MAMDC2: variants seen among roughly 807,000 people sequenced by gnomAD.
MAMDC2 encodes MAM domain-containing protein 2.
MAMDC2 carries 57 observed loss-of-function variants against 89.8 expected under a neutral mutation model. The ratio of observed to expected loss-of-function variants is 0.63; its 90% CI spans 0.51 to 0.79. MAMDC2 has a LOEUF of 0.79. Among genes scored for constraint, MAMDC2 ranks in the 30% least tolerant of loss-of-function variants. The pLI is 0.00. For missense variants in MAMDC2, 800 were observed against 820.6 expected (o/e 0.97, Z 0.31); for synonymous variants, 313 against 293.4 (o/e 1.07, Z -0.68).
intron 2 of MAMDC2, among the ~76,000 whole-genome samples, chr9:70,067,403 A>T (rs1323753556): frequency 3.9e-5 from 6 of 152,042 alleles, no homozygotes; most frequent in Non-Finnish European, 7.4e-5. Context: ...TATTGTCAGG[A>T]TACTCTTTTC....
At chr9:70,135,490 C>T (rs1435526347) in intron 7 of MAMDC2, among the ~76,000 whole-genome samples, 1 of 152,070 alleles carries the variant, frequency 6.6e-6, no homozygotes, top group East Asian at 1.9e-4. Flanking sequence ...TTTATCAGAC[C>T]TCCTCAAGAC....
At chr9:70,189,897 TTCATTA>T (rs2032842299) in intron 11 of MAMDC2, among the ~76,000 whole-genome samples, 1 of 152,164 alleles carries the variant, frequency 6.6e-6, no homozygotes, top group Admixed American at 6.5e-5. Context: ...AATATTTTAT[TTCATTA>T]TATTTTTCAA....
intron 11 of MAMDC2, among the ~76,000 whole-genome samples, chr9:70,183,125 C>T (rs530653840): frequency 3.9e-5 from 6 of 152,268 alleles, no homozygotes; most frequent in African/African-American, 7.2e-5. Flanking sequence ...CATTCAGGAG[C>T]GGGTTGTTCA....
chr9:70,096,850 C>T (rs1731991192), intron 2 of MAMDC2, among the ~76,000 whole-genome samples: 1 of 152,052 alleles, frequency 6.6e-6, no homozygotes, highest in Non-Finnish European at 1.5e-5. Context: ...TCAAGGAATC[C>T]AGAGGAAAAG....
chr9:70,127,054 G>A (rs1006840584), intron 6 of MAMDC2, among the ~76,000 whole-genome samples: 8 of 152,158 alleles, frequency 5.3e-5, no homozygotes, highest in Non-Finnish European at 8.8e-5. Context: ...TCACAAAGGG[G>A]AGGACTACTA....
intron 5 of MAMDC2, 61 bp from the exon 6 acceptor site, chr9:70,126,098 A>G (rs2118340666): frequency 6.7e-7 from 1 of 1,500,140 alleles, no homozygotes; most frequent in African/African-American, 1.4e-5. Flanking sequence ...ATTTCGCCTG[A>G]ACCTCTTCCC....
At chr9:70,107,949 G>A (rs1927103) in intron 2 of MAMDC2, among the ~76,000 whole-genome samples, 76,216 of 152,004 alleles carry the variant, frequency 0.5, 21,689 homozygotes, top group Non-Finnish European at 0.63. Flanking sequence ...TGGCAATTAT[G>A]GCAAAGTGGA....
chr9:70,209,698 G>T (rs2033310048), intron 11 of MAMDC2, among the ~76,000 whole-genome samples: 2 of 151,998 alleles, frequency 1.3e-5, no homozygotes, highest in Non-Finnish European at 2.9e-5. Context: ...GTTTGCTCTT[G>T]CTTCTCTAGT....
intron 5 of MAMDC2, among the ~76,000 whole-genome samples, chr9:70,118,231 T>G (rs1199059584): frequency 2.0e-5 from 3 of 151,858 alleles, no homozygotes; most frequent in Non-Finnish European, 4.4e-5. Flanking sequence ...TCCTGCTATT[T>G]CACTCCAAGT....
chr9:70,127,356 AC>A (rs1476398093), intron 6 of MAMDC2, among the ~76,000 whole-genome samples: 2 of 152,228 alleles, frequency 1.3e-5, no homozygotes, highest in East Asian at 1.9e-4. Context: ...CTGTCTGAGG[AC>A]CCCTTAGGAC....
intron 11 of MAMDC2, among the ~76,000 whole-genome samples, chr9:70,212,699 C>T (rs772204515): frequency 6.6e-5 from 10 of 152,194 alleles, no homozygotes; most frequent in Non-Finnish European, 1.0e-4. Flanking sequence ...CCGTCTTCTG[C>T]GTCACTCATG....
chr9:70,051,520 C>T (rs573384072), intron 2 of MAMDC2, among the ~76,000 whole-genome samples: 3 of 152,240 alleles, frequency 2.0e-5, no homozygotes, highest in African/African-American at 7.2e-5. Flanking sequence ...GTGTAATATT[C>T]ATTTAAATAT....
At chr9:70,089,191 C>G (rs1277766546) in intron 2 of MAMDC2, 1 of 152,090 alleles carries the variant, frequency 6.6e-6, no homozygotes. Flanking sequence ...TCATGGTTAA[C>G]AGAGAGAGTA....
At chr9:70,210,712 T>C (rs901304223) in intron 11 of MAMDC2, among the ~76,000 whole-genome samples, 1 of 152,202 alleles carries the variant, frequency 6.6e-6, no homozygotes, top group Admixed American at 6.6e-5. Context: ...GTTGATGCAG[T>C]TTCTTCCTAG....
intron 2 of MAMDC2, among the ~76,000 whole-genome samples, chr9:70,052,326 C>G (rs1283616175): frequency 6.6e-6 from 1 of 152,238 alleles, no homozygotes; most frequent in Non-Finnish European, 1.5e-5. Context: ...CCTCTTCCTT[C>G]CCATTAATCT....
intron 2 of MAMDC2, chr9:70,062,629 G>A (rs1345642068): frequency 2.0e-5 from 3 of 152,198 alleles, no homozygotes; most frequent in African/African-American, 7.2e-5. Flanking sequence ...CTGCAAGTTA[G>A]AGACAAGAAA....
intron 2 of MAMDC2, among the ~76,000 whole-genome samples, chr9:70,095,775 T>C (rs1258516169): frequency 1.3e-5 from 2 of 152,148 alleles, no homozygotes; most frequent in Non-Finnish European, 2.9e-5. Flanking sequence ...AGAAAAAAAC[T>C]AAATAATGGT....
chr9:70,122,303 A>T (rs1015541850), intron 5 of MAMDC2, among the ~76,000 whole-genome samples: 1 of 152,182 alleles, frequency 6.6e-6, no homozygotes, highest in Non-Finnish European at 1.5e-5. Flanking sequence ...CAGAAATGTG[A>T]CTGTGGTTCA....
chr9:70,109,703 C>A lies in MAMDC2; in HGVS notation c.421-17C>A. The A allele has an allele frequency of 6.3e-7, 1 of 1,592,236 alleles. No homozygotes were observed. The highest frequency in any genetic ancestry group is 8.6e-7 in the Non-Finnish European group (1 of 1,161,042). On this transcript the variant is annotated splice_polypyrimidine_tract_variant and intron_variant, in intron 3 of 13. Transcript: ENST00000377182. ...GTTTTGAAGTCTAACTCCCCTTCTT[C>A]CCCATATGTTGTGCAGATTTTAATA...
Sources: allele counts gnomAD v4.1 joint callset (sites outside exome capture counted in the v4.1 genomes callset), GRCh38; gene constraint gnomAD v4.1.1; transcripts MANE v1.5; gene names NCBI Gene and HGNC (gene_info 2026-07-23, HGNC 2026-07-21).